Variants in SUPT3H observed in about 807,000 individuals in gnomAD.
SUPT3H encodes the protein SPT3 homolog, SAGA and STAGA complex component.
A neutral mutation model predicts 44.3 loss-of-function variants in SUPT3H; 44 were observed. That is an observed-to-expected ratio of 0.99 (90% confidence interval 0.78 to 1.28). The LOEUF (loss-of-function observed/expected upper bound fraction) is 1.28. SUPT3H is among the 50% of genes most tolerant of loss of function. The pLI, the probability that SUPT3H is intolerant of heterozygous loss-of-function variation, is 0.00. For missense variants in SUPT3H, 380 were observed against 387.1 expected, an observed-to-expected ratio of 0.98 and a Z score of 0.15; for synonymous variants, 124 against 125.6, an observed-to-expected ratio of 0.99 and a Z score of 0.09.
intron 2 of SUPT3H, among the ~76,000 whole-genome samples, chr6:45,144,128 C>A (rs1268154671): frequency 6.6e-6 from 1 of 152,028 alleles, no homozygotes; most frequent in African/African-American, 2.4e-5. Flanking sequence ...CAAAGAAGAA[C>A]TGACGCCACT....
At chr6:45,283,501 A>G (rs1205132174) in intron 2 of SUPT3H, among the ~76,000 whole-genome samples, 1 of 152,182 alleles carries the variant, frequency 6.6e-6, no homozygotes, top group East Asian at 1.9e-4. Context: ...GCCATTACAT[A>G]ATGGTAAAGG....
chr6:45,014,284 T>A (rs1389551404), intron 5 of SUPT3H, among the ~76,000 whole-genome samples: 2 of 152,106 alleles, frequency 1.3e-5, no homozygotes, highest in African/African-American at 4.8e-5. Context: ...AAACTGAATA[T>A]TACTCTTACC....
At chr6:45,273,068 C>T (rs1776461777) in intron 2 of SUPT3H, among the ~76,000 whole-genome samples, 1 of 152,214 alleles carries the variant, frequency 6.6e-6, no homozygotes, top group Non-Finnish European at 1.5e-5. Flanking sequence ...AAGCTCTGTT[C>T]TTGTCTGCAG....
At chr6:44,968,957 T>C (rs1425450215) in intron 6 of SUPT3H, among the ~76,000 whole-genome samples, 1 of 152,160 alleles carries the variant, frequency 6.6e-6, no homozygotes, top group Non-Finnish European at 1.5e-5. Context: ...ATATGTGCCA[T>C]GTACTGCTGC....
chr6:45,305,228 G>A (rs561323447), intron 2 of SUPT3H, among the ~76,000 whole-genome samples: 8 of 152,170 alleles, frequency 5.3e-5, no homozygotes, highest in South Asian at 2.1e-4. Flanking sequence ...CCATATTACC[G>A]GAACATAACT....
At chr6:45,032,263 C>T (rs983652581) in intron 3 of SUPT3H, among the ~76,000 whole-genome samples, 7 of 152,050 alleles carry the variant, frequency 4.6e-5, no homozygotes, top group Non-Finnish European at 1.0e-4. Flanking sequence ...AATGAAAAGT[C>T]GGGTTTCCCT....
At chr6:45,176,087 A>G (rs922158761) in intron 2 of SUPT3H, among the ~76,000 whole-genome samples, 1 of 152,180 alleles carries the variant, frequency 6.6e-6, no homozygotes, top group Non-Finnish European at 1.5e-5. Context: ...ATGGCCGAAT[A>G]GGAACAGCTC....
chr6:45,150,637 T>G (rs1005996417), intron 2 of SUPT3H, among the ~76,000 whole-genome samples: 2 of 152,228 alleles, frequency 1.3e-5, no homozygotes, highest in Admixed American at 1.3e-4. Flanking sequence ...GTTGGTTCTC[T>G]TTCTGTTCTT....
intron 10 of SUPT3H, among the ~76,000 whole-genome samples, chr6:44,866,106 C>CT (rs57914401): frequency 0.01 from 1,295 of 126,154 alleles, 29 homozygotes; most frequent in African/African-American, 0.032. Flanking sequence ...CCTACATCGA[C>CT]TTTTTTTTTT....
At position 45,308,135 on chromosome 6, in the gene SUPT3H, T is replaced by C. The variant is rs1051291794; in HGVS notation, c.101+57066A>G. On this transcript the variant is annotated intron_variant, in intron 2 of 10. Transcript: ENST00000371459. ...TGAAAAGACCAAATCTACACCTGATTGGTGTACCTGAAAGTGACAGGGAGA... is the reference window on the plus strand; with the variant it reads ...TGAAAAGACCAAATCTACACCTGATCGGTGTACCTGAAAGTGACAGGGAGA... Among the ~76,000 whole-genome samples the C allele has an allele frequency of 2.6e-5, 4 of 152,160 alleles. No homozygotes were observed. In the East Asian group the frequency reaches 7.7e-4, roughly 29 times the overall value.
rs200510160 is a variant in SUPT3H, at chr6:44,847,436, T to C, written c.913-17579A>G. Among the ~76,000 whole-genome samples, 14 of 152,306 alleles carry C rather than the reference T, an allele frequency of 9.2e-5. No homozygotes were observed. In the East Asian group the frequency reaches 2.1e-3, roughly 23 times the overall value. On this transcript the variant is annotated intron_variant, in intron 10 of 10. Transcript: ENST00000371459. ...CACTTGACTCATTCTATAGCTATCA[T>C]ATTACTGGTTGAATACTAATTTTTA...
At position 45,169,509 on chromosome 6, in the gene SUPT3H, T is replaced by C. The variant is rs529194077; in HGVS notation, c.102-63503A>G. Among the ~76,000 whole-genome samples, 16 of 152,338 alleles carry C rather than the reference T, an allele frequency of 1.1e-4. 1 individual carries two copies. The South Asian group carries it at 2.7e-3, about 26-fold the overall frequency. On this transcript the variant is annotated intron_variant, in intron 2 of 10. Transcript: ENST00000371459. ...ATTAAAAAAGCATTTATTATGTTTA[T>C]TGTAAGAACTATCCAAAATATTGCT...
At chr6:45,245,768 T>TA (rs1444287926) in intron 2 of SUPT3H, among the ~76,000 whole-genome samples, 1 of 152,164 alleles carries the variant, frequency 6.6e-6, no homozygotes, top group Non-Finnish European at 1.5e-5. Context: ...ATCCATTTGA[T>TA]ACTCTGCTTT....
intron 3 of SUPT3H, among the ~76,000 whole-genome samples, chr6:45,042,938 T>A (rs757936204): frequency 2.0e-5 from 3 of 152,212 alleles, no homozygotes; most frequent in Admixed American, 6.5e-5. Flanking sequence ...TATATACCTA[T>A]AACTATTTAT....
intron 3 of SUPT3H, among the ~76,000 whole-genome samples, chr6:45,033,393 T>C (rs1787232431): frequency 6.6e-6 from 1 of 152,094 alleles, no homozygotes; most frequent in South Asian, 2.1e-4. Flanking sequence ...ATTGAGCACC[T>C]AGTATAGGCC....
Position 45,095,425 on chromosome 6 carries a change from A to G in SUPT3H, c.186+10497T>C, listed in dbSNP as rs1407531541. 6.6e-6 allele frequency among the ~76,000 whole-genome samples: 1 copy of G among 151,632 alleles called. No homozygotes were observed. Among genetic ancestry groups the G allele is most frequent in the Non-Finnish European group, 1.5e-5 (1 of 67,890 alleles). On this transcript the variant is annotated intron_variant, in intron 3 of 10. Transcript: ENST00000371459. The surrounding 1 kb of genome is among the most constrained non-coding windows in gnomAD (Gnocchi z 4.1). Reference sequence around the variant, plus strand: ...GCTTCTACCAGGGAAATTAAAAAGCATTACAGGAGGGAGGGGTGAATTCAG... The same window carrying G: ...GCTTCTACCAGGGAAATTAAAAAGCGTTACAGGAGGGAGGGGTGAATTCAG...
At chr6:44,862,821 A>G (rs1774885601) in intron 10 of SUPT3H, among the ~76,000 whole-genome samples, 1 of 152,144 alleles carries the variant, frequency 6.6e-6, no homozygotes, top group Non-Finnish European at 1.5e-5. Flanking sequence ...AGTTCAATAA[A>G]GACGTATTGA....
At chr6:44,949,875 TG>T (rs1216831469) in intron 9 of SUPT3H, among the ~76,000 whole-genome samples, 1 of 152,246 alleles carries the variant, frequency 6.6e-6, no homozygotes, top group Non-Finnish European at 1.5e-5. Context: ...AAAAAAAGTC[TG>T]TTTCTTTAAA....
chr6:45,062,508 G>T (rs1287735930), intron 3 of SUPT3H, among the ~76,000 whole-genome samples: 2 of 152,190 alleles, frequency 1.3e-5, no homozygotes, highest in Non-Finnish European at 2.9e-5. Context: ...CAGCGTGAGC[G>T]ACGCAGAAGA....
Sources: gnomAD v4.1 joint callset for allele counts (sites outside exome capture counted in the v4.1 genomes callset) on GRCh38, gnomAD v4.1.1 for gene constraint, Gnocchi (gnomAD v3.1) non-coding constraint, MANE v1.5 for transcripts, NCBI Gene and HGNC (gene_info 2026-07-23, HGNC 2026-07-21) for gene names.